Variants in HTR7 observed in about 807,000 individuals in gnomAD.
HTR7 encodes the protein 5-HT-7.
In HTR7, 16 loss-of-function variants were observed where a neutral mutation model predicts 34.0. The observed-to-expected ratio is 0.47, with a 90% confidence interval of 0.32 to 0.71. The LOEUF is 0.71. Ranked by LOEUF, HTR7 falls within the 30% of genes least tolerant of loss-of-function variation. HTR7 has a pLI of 0.04. For missense variants in HTR7, 504 were observed against 625.5 expected (o/e 0.81, Z 2.07); for synonymous variants, 265 against 260.2 (o/e 1.02, Z -0.18).
At chr10:90,785,411 CTG>C (rs1221755635) in intron 1 of HTR7, among the ~76,000 whole-genome samples, 1 of 152,106 alleles carries the variant, frequency 6.6e-6, no homozygotes, top group Admixed American at 6.6e-5. Context: ...ATTTTGAACT[CTG>C]TCTTCTCGGT....
chr10:90,854,289 G>C (rs985399417), intron 1 of HTR7, among the ~76,000 whole-genome samples: 1 of 152,182 alleles, frequency 6.6e-6, no homozygotes, highest in African/African-American at 2.4e-5. Context: ...AGGAGGCGGA[G>C]GGTGCAGTGA....
At chr10:90,836,960 CCT>C (rs1211233925) in intron 1 of HTR7, among the ~76,000 whole-genome samples, 1 of 152,112 alleles carries the variant, frequency 6.6e-6, no homozygotes, top group African/African-American at 2.4e-5. Context: ...TATCCTATCC[CCT>C]GTCTTCTACT....
intron 1 of HTR7, among the ~76,000 whole-genome samples, chr10:90,793,407 G>A (rs1048671684): frequency 6.6e-6 from 1 of 150,686 alleles, no homozygotes; most frequent in Non-Finnish European, 1.5e-5. Flanking sequence ...AGGAATGCAA[G>A]AAGAGTTTAA....
At chr10:90,754,471 T>C (rs969963485) in intron 1 of HTR7, among the ~76,000 whole-genome samples, 1 of 152,172 alleles carries the variant, frequency 6.6e-6, no homozygotes, top group Admixed American at 6.5e-5. Flanking sequence ...CACACTAACA[T>C]TTTATCCTCA....
intron 1 of HTR7, among the ~76,000 whole-genome samples, chr10:90,776,440 G>A (rs146800131): frequency 1.1e-3 from 163 of 152,306 alleles, no homozygotes; most frequent in African/African-American, 3.8e-3. Context: ...TGAGAAAGCA[G>A]CAGGTAGGTA....
chr10:90,805,602 G>C (rs1845692672), intron 1 of HTR7, among the ~76,000 whole-genome samples: 1 of 152,182 alleles, frequency 6.6e-6, no homozygotes, highest in African/African-American at 2.4e-5. Flanking sequence ...TGCAAATGTA[G>C]AGTTGCCTAG....
intron 1 of HTR7, among the ~76,000 whole-genome samples, chr10:90,757,344 C>T (rs959184553): frequency 2.0e-5 from 3 of 152,196 alleles, no homozygotes; most frequent in Admixed American, 6.5e-5. Flanking sequence ...AGAAGCCCCA[C>T]ATACCATTTT....
chr10:90,802,177 CTT>C (rs1052387440), intron 1 of HTR7, among the ~76,000 whole-genome samples: 3 of 152,152 alleles, frequency 2.0e-5, no homozygotes, highest in Non-Finnish European at 2.9e-5. Flanking sequence ...AGTTTTCCCT[CTT>C]GTCTTGTTTT....
At chr10:90,827,699 T>C (rs890505820) in intron 1 of HTR7, among the ~76,000 whole-genome samples, 1 of 152,136 alleles carries the variant, frequency 6.6e-6, no homozygotes, top group Admixed American at 6.5e-5. Flanking sequence ...TAAATACATA[T>C]CTACCCAACA....
chr10:90,784,497 C>A (rs970257516), intron 1 of HTR7, among the ~76,000 whole-genome samples: 8 of 152,146 alleles, frequency 5.3e-5, no homozygotes, highest in African/African-American at 1.9e-4. Flanking sequence ...TGGTACAATG[C>A]CAGCACATAG....
chr10:90,779,896 G>A (rs1047061395), intron 1 of HTR7, among the ~76,000 whole-genome samples: 1 of 152,122 alleles, frequency 6.6e-6, no homozygotes, highest in African/African-American at 2.4e-5. Context: ...TGTGGCCCCT[G>A]TGCTTAGGAC....
chr10:90,750,875 T>C (rs553231689), intron 1 of HTR7, among the ~76,000 whole-genome samples: 2 of 152,340 alleles, frequency 1.3e-5, no homozygotes, highest in South Asian at 4.1e-4. Context: ...TCTCTAGAAT[T>C]CTTTCCTTCA....
chr10:90,813,190 C>T (rs1447217949), intron 1 of HTR7, among the ~76,000 whole-genome samples: 1 of 152,164 alleles, frequency 6.6e-6, no homozygotes, highest in African/African-American at 2.4e-5. Context: ...CCGCCTGCAC[C>T]CAGGTGATTA....
In HTR7 at chr10:90,748,964, G is replaced by A; in HGVS notation, c.1170C>T (p.Asp390=). The A allele has an allele frequency of 6.2e-7, 1 of 1,614,148 alleles. No individual in the cohort carries two copies. The highest frequency in any genetic ancestry group is 1.3e-5 in the African/African-American group (1 of 75,036). ...GCAGGCTGCGATAGGTGGTCCTCAG[G>A]TCCCGGTTGAAGAAGGCATATATAA... The part of the protein sequence containing the change: ...NPFIYAFFNR[D]LRTTYRSLLQ... Residue 390 remains aspartate (D), a synonymous_variant, in exon 2 of 4, where the codon GAC becomes GAT. Transcript: ENST00000336152.
rs146524091 is a variant in HTR7 at position 90,762,163 on chromosome 10, G to T, written c.540-12569C>A. ...CATATACCCAGAAGTAGAAGCACTG[G>T]ATCATATGGCAGTTAGTTGTATTTT... On this transcript the variant is annotated intron_variant, in intron 1 of 3. Coordinates refer to ENST00000336152, the MANE Select transcript of HTR7 (RefSeq NM_019859.4). Among the ~76,000 whole-genome samples the T allele has an allele frequency of 1.4e-3, 220 of 152,266 alleles. 1 individual carries two copies. The highest frequency in any genetic ancestry group is 6.8e-3 in the Middle Eastern group (2 of 294).
chr10:90,827,236 A>G (rs1846092387), intron 1 of HTR7, among the ~76,000 whole-genome samples: 1 of 152,156 alleles, frequency 6.6e-6, no homozygotes, highest in Non-Finnish European at 1.5e-5. Flanking sequence ...TAAATGGACT[A>G]AACTCTCCAA....
chr10:90,790,833 G>A (rs1845450356), intron 1 of HTR7, among the ~76,000 whole-genome samples: 1 of 152,050 alleles, frequency 6.6e-6, no homozygotes, highest in Non-Finnish European at 1.5e-5. Flanking sequence ...GAGATTGAGG[G>A]AGAGGAAAAG....
At chr10:90,837,397 T>C (rs756438959) in intron 1 of HTR7, among the ~76,000 whole-genome samples, 10 of 152,222 alleles carry the variant, frequency 6.6e-5, no homozygotes, top group Non-Finnish European at 1.5e-4. Context: ...TAAAAGTTCA[T>C]GTGTTGGAAA....
chr10:90,802,628 G>T (rs1249984888), intron 1 of HTR7, among the ~76,000 whole-genome samples: 2 of 152,186 alleles, frequency 1.3e-5, no homozygotes, highest in Admixed American at 1.3e-4. Context: ...ATCCGTAATA[G>T]CGTTATAGCT....
Sources: allele counts gnomAD v4.1 joint callset (sites outside exome capture counted in the v4.1 genomes callset), GRCh38; gene constraint gnomAD v4.1.1; transcripts MANE v1.5; gene names NCBI Gene and HGNC (gene_info 2026-07-23, HGNC 2026-07-21).